DMD: variants seen among roughly 807,000 people sequenced by gnomAD.
DMD encodes dystrophin.
In DMD, 63 loss-of-function variants were observed where a neutral mutation model predicts 330.1. The observed-to-expected ratio is 0.19, with a 90% confidence interval of 0.16 to 0.24. The LOEUF (loss-of-function observed/expected upper bound fraction) is 0.24. Ranked by LOEUF, DMD falls within the 10% of genes least tolerant of loss-of-function variation. DMD has a pLI of 1.00. For synonymous variants in DMD, 1,223 were observed against 959.8 expected (o/e 1.27, Z -5.07); for missense variants, 3,344 against 2,684.1 (o/e 1.25, Z -5.43).
intron 44 of DMD, among the ~76,000 whole-genome samples, chrX:32,048,130 A>T (rs1437005668): frequency 4.0e-5 from 4 of 98,864 alleles, no homozygotes; most frequent in Admixed American, 1.2e-4. Flanking sequence ...TAAGTGTATG[A>T]TATAATGCCA....
At chrX:32,891,732 C>T (rs761805241) in intron 2 of DMD, among the ~76,000 whole-genome samples, 2 of 111,829 alleles carry the variant, frequency 1.8e-5, no homozygotes, top group South Asian at 7.5e-4. Flanking sequence ...ATCTGTAAAT[C>T]ACTACATTAT....
chrX:32,772,880 C>T (rs934393473), intron 7 of DMD, among the ~76,000 whole-genome samples: 69 of 106,072 alleles, frequency 6.5e-4, no homozygotes, highest in African/African-American at 2.5e-3. Flanking sequence ...ATTGTTTAAG[C>T]TCAAGTAGAT....
chrX:32,517,860 G>C, intron 18 of DMD, 148 bp downstream of exon 18: 1 of 653,325 alleles, frequency 1.5e-6, no homozygotes, highest in Non-Finnish European at 2.4e-6. Context: ...GATTTTGCTT[G>C]CTATCTAAAA....
intron 41 of DMD, among the ~76,000 whole-genome samples, chrX:32,336,214 A>G (rs766106634): frequency 2.4e-4 from 26 of 110,553 alleles, no homozygotes; most frequent in Non-Finnish European, 3.8e-4. Flanking sequence ...ATGACATGTT[A>G]TATATGTTAG....
chrX:32,912,775 C>T (rs5972709), intron 2 of DMD, among the ~76,000 whole-genome samples: 18,172 of 110,764 alleles, frequency 0.16, 1,385 homozygotes, highest in African/African-American at 0.27. Flanking sequence ...ATTTCACGAC[C>T]ACCGTTATCT....
chrX:31,715,226 G>C (rs1312153910), intron 52 of DMD, among the ~76,000 whole-genome samples: 6 of 104,850 alleles, frequency 5.7e-5, no homozygotes, highest in African/African-American at 2.1e-4. Flanking sequence ...TTGGTGGGGG[G>C]GGAGCTGCGA....
At chrX:32,741,075 T>C (rs765921807) in intron 7 of DMD, among the ~76,000 whole-genome samples, 2 of 111,699 alleles carry the variant, frequency 1.8e-5, no homozygotes, top group South Asian at 7.6e-4. Context: ...TAAGTGACTC[T>C]TGTATGTGCC....
chrX:32,915,737 G>T (rs773273557), intron 2 of DMD, among the ~76,000 whole-genome samples: 2 of 112,179 alleles, frequency 1.8e-5, no homozygotes, highest in East Asian at 5.6e-4. Flanking sequence ...ATTTCATGGA[G>T]TAAGTATTCT....
chrX:32,068,661 T>G (rs1279660677), intron 44 of DMD, among the ~76,000 whole-genome samples: 2 of 110,732 alleles, frequency 1.8e-5, no homozygotes, highest in Non-Finnish European at 3.8e-5. Flanking sequence ...TTCAATGCCC[T>G]AAAAAAATAT....
At chrX:32,579,930 T>TAC (rs1229878411) in intron 13 of DMD, among the ~76,000 whole-genome samples, 1 of 112,603 alleles carries the variant, frequency 8.9e-6, no homozygotes, top group African/African-American at 3.2e-5. Context: ...TGTGTGAGTA[T>TAC]ACAAAGTGCT....
intron 48 of DMD, among the ~76,000 whole-genome samples, chrX:31,839,285 G>C (rs142017532): frequency 2.7e-5 from 3 of 111,912 alleles, no homozygotes; most frequent in Middle Eastern, 4.6e-3. Flanking sequence ...TCCTCTATGA[G>C]AGTAAGACCC....
At chrX:32,268,452 T>G (rs1410912182) in intron 43 of DMD, among the ~76,000 whole-genome samples, 1 of 111,645 alleles carries the variant, frequency 9.0e-6, no homozygotes, top group Non-Finnish European at 1.9e-5. Context: ...AGACAAGTGT[T>G]TTATGCCTTC....
intron 43 of DMD, among the ~76,000 whole-genome samples, chrX:32,251,283 T>A (rs191796414): frequency 2.2e-3 from 243 of 111,602 alleles, no homozygotes; most frequent in African/African-American, 7.6e-3. Flanking sequence ...CACATAACTT[T>A]AAATATTATT....
intron 41 of DMD, among the ~76,000 whole-genome samples, chrX:32,327,694 AAT>A (rs1002663018): frequency 3.6e-5 from 4 of 111,595 alleles, no homozygotes; most frequent in Non-Finnish European, 5.7e-5. Flanking sequence ...TCCAGGAAAT[AAT>A]AGTCATTGTA....
At chrX:32,483,603 A>C (rs2042131952) in intron 21 of DMD, among the ~76,000 whole-genome samples, 1 of 109,370 alleles carries the variant, frequency 9.1e-6, no homozygotes, top group Non-Finnish European at 1.9e-5. Context: ...ATTTAACTTT[A>C]AGGGGGAGTT....
At chrX:32,709,125 G>T (rs746552163) in intron 7 of DMD, among the ~76,000 whole-genome samples, 1 of 111,531 alleles carries the variant, frequency 9.0e-6, no homozygotes, top group Non-Finnish European at 1.9e-5. Context: ...TTTGAGTTTG[G>T]AGTTTCTGGC....
chrX:31,132,531 A>G (rs2034651247), intron 77 of DMD, among the ~76,000 whole-genome samples: 1 of 111,757 alleles, frequency 8.9e-6, no homozygotes, highest in Non-Finnish European at 1.9e-5. Flanking sequence ...CAGGGCAGCC[A>G]GCAACTTTCC....
At chrX:32,708,347 C>G (rs1307497640) in intron 7 of DMD, among the ~76,000 whole-genome samples, 1 of 108,814 alleles carries the variant, frequency 9.2e-6, no homozygotes, top group Non-Finnish European at 1.9e-5. Context: ...AGAGCTTAGC[C>G]TGTTGAGGCA....
At chrX:32,895,138 C>G (rs183441785) in intron 2 of DMD, among the ~76,000 whole-genome samples, 1 of 112,073 alleles carries the variant, frequency 8.9e-6, no homozygotes, top group Non-Finnish European at 1.9e-5. Context: ...ATGTGCTTAT[C>G]TTACCCTAAT....
Sources: gnomAD v4.1 joint callset for allele counts (sites outside exome capture counted in the v4.1 genomes callset) on GRCh38, gnomAD v4.1.1 for gene constraint, MANE v1.5 for transcripts, NCBI Gene and HGNC (gene_info 2026-07-23, HGNC 2026-07-21) for gene names.